Variants in MYT1L observed in about 807,000 individuals in gnomAD.
MYT1L encodes the protein myelin transcription factor 1 like.
In MYT1L, 12 loss-of-function variants were observed where a neutral mutation model predicts 126.7. The observed-to-expected ratio is 0.09, with a 90% CI of 0.06 to 0.15. MYT1L has a LOEUF of 0.15. Ranked by LOEUF, MYT1L falls within the 10% of genes least tolerant of loss-of-function variation. The probability of loss-of-function intolerance (pLI) is 1.00; values close to 1 mark genes in which losing one functional copy is unlikely to be tolerated. For missense variants in MYT1L, 979 were observed against 1,585.2 expected (o/e 0.62, Z 6.49); for synonymous variants, 541 against 604.2 (o/e 0.90, Z 1.53).
At chr2:2,172,031 A>G (rs1297895087) in intron 3 of MYT1L, among the ~76,000 whole-genome samples, 1 of 152,180 alleles carries the variant, frequency 6.6e-6, no homozygotes, top group Non-Finnish European at 1.5e-5. Context: ...AACATATATA[A>G]AAGTACTTCT....
At chr2:2,014,818 T>G (rs190034289) in intron 4 of MYT1L, among the ~76,000 whole-genome samples, 1 of 152,338 alleles carries the variant, frequency 6.6e-6, no homozygotes, top group African/African-American at 2.4e-5. Flanking sequence ...GGGAAGAAGA[T>G]TCACTGGAGT....
intron 21 of MYT1L, among the ~76,000 whole-genome samples, chr2:1,815,453 G>A (rs1343015536): frequency 6.6e-6 from 1 of 152,182 alleles, no homozygotes; most frequent in Admixed American, 6.5e-5. Flanking sequence ...GGTCATCCCC[G>A]TGTCCTTTCC....
At chr2:2,299,979 G>A (rs1317282334) in intron 1 of MYT1L, among the ~76,000 whole-genome samples, 1 of 152,166 alleles carries the variant, frequency 6.6e-6, no homozygotes, top group Non-Finnish European at 1.5e-5. Flanking sequence ...CAATGGCTTA[G>A]AAGTCATTCC....
At chr2:1,886,190 A>T (rs1204722875) in intron 18 of MYT1L, 1 of 189,738 alleles carries the variant, frequency 5.3e-6, no homozygotes, top group Non-Finnish European at 1.1e-5. Flanking sequence ...TCTTTTAAAA[A>T]TTAAATTTTG....
intron 3 of MYT1L, among the ~76,000 whole-genome samples, chr2:2,157,963 T>A: frequency 6.6e-6 from 1 of 152,072 alleles, no homozygotes; most frequent in Non-Finnish European, 1.5e-5. Flanking sequence ...CATATCTAGG[T>A]CAGGCTTCAG....
chr2:2,195,485 A>T (rs1224493938), intron 2 of MYT1L, among the ~76,000 whole-genome samples: 1 of 152,196 alleles, frequency 6.6e-6, no homozygotes, highest in African/African-American at 2.4e-5. Flanking sequence ...AGATAATATA[A>T]TACAGAGGCT....
chr2:2,208,808 C>A (rs1265828752), intron 2 of MYT1L, among the ~76,000 whole-genome samples: 1 of 152,058 alleles, frequency 6.6e-6, no homozygotes, highest in Admixed American at 6.6e-5. Flanking sequence ...AGAAATGATA[C>A]CTCAGAAAGG....
intron 8 of MYT1L, among the ~76,000 whole-genome samples, chr2:1,950,376 T>C (rs1027209880): frequency 6.6e-6 from 1 of 151,980 alleles, no homozygotes; most frequent in Non-Finnish European, 1.5e-5. Flanking sequence ...GCATGATTGA[T>C]TTATTCCTTT....
intron 1 of MYT1L, among the ~76,000 whole-genome samples, chr2:2,288,172 G>T (rs1196455834): frequency 6.6e-6 from 1 of 152,144 alleles, no homozygotes. Flanking sequence ...TAATCCTCAC[G>T]ACCAGGTAGA....
chr2:2,076,614 T>C (rs528604766), intron 3 of MYT1L, among the ~76,000 whole-genome samples: 1 of 152,160 alleles, frequency 6.6e-6, no homozygotes, highest in Admixed American at 6.5e-5. Context: ...TCTCCAGAAT[T>C]TTACCAGGAA....
At chr2:2,222,821 G>A (rs2093914829) in intron 2 of MYT1L, among the ~76,000 whole-genome samples, 2 of 152,030 alleles carry the variant, frequency 1.3e-5, no homozygotes, top group Non-Finnish European at 2.9e-5. Flanking sequence ...TGATGAAGTG[G>A]CAAGAAAAAG....
At chr2:2,281,129 C>T (rs773342264) in intron 2 of MYT1L, among the ~76,000 whole-genome samples, 2 of 152,206 alleles carry the variant, frequency 1.3e-5, no homozygotes, top group African/African-American at 2.4e-5. Flanking sequence ...ACACCGTTCT[C>T]ATGTTAGTAA....
intron 4 of MYT1L, among the ~76,000 whole-genome samples, chr2:2,029,099 C>T (rs1461067351): frequency 2.0e-5 from 3 of 152,210 alleles, no homozygotes; most frequent in African/African-American, 7.2e-5. Context: ...ATTAACAACT[C>T]AGAATAAAGA....
intron 2 of MYT1L, among the ~76,000 whole-genome samples, chr2:2,188,592 G>C (rs1572288112): frequency 6.6e-6 from 1 of 152,220 alleles, no homozygotes; most frequent in Non-Finnish European, 1.5e-5. Flanking sequence ...GAGTCAGACA[G>C]ACGGCATAAT....
chr2:1,834,368 C>A lies in MYT1L; in HGVS notation c.3080+4781G>T, dbSNP rs531196627. On this transcript the variant is annotated intron_variant, in intron 21 of 24. Coordinates refer to ENST00000647738, the MANE Select transcript of MYT1L (RefSeq NM_001303052.2). ...ACTTCCTAATGAGTGTATTTCTGTG[C>A]GCTTAGCTGTGTTCTTGCTGGGTAT... Among the ~76,000 whole-genome samples the A allele has an allele frequency of 3.9e-5, 6 of 152,322 alleles. No homozygotes were observed. The East Asian group carries it at 9.7e-4, about 25-fold the overall frequency.
At chr2:1,820,301 C>T (rs2038346540) in intron 21 of MYT1L, among the ~76,000 whole-genome samples, 1 of 152,168 alleles carries the variant, frequency 6.6e-6, no homozygotes, top group South Asian at 2.1e-4. Context: ...CTGTTGAGTA[C>T]ATCTCTTAGC....
chr2:2,113,829 T>A (rs979626372), intron 3 of MYT1L, among the ~76,000 whole-genome samples: 2 of 146,554 alleles, frequency 1.4e-5, no homozygotes, highest in African/African-American at 2.5e-5. Context: ...GATAGGAAAA[T>A]AGTTATGAAA....
chr2:2,019,071 T>C (rs949125415), intron 4 of MYT1L, among the ~76,000 whole-genome samples: 4 of 152,162 alleles, frequency 2.6e-5, no homozygotes, highest in Admixed American at 2.6e-4. Flanking sequence ...GAAATTAATT[T>C]GGTGACTTAT....
intron 9 of MYT1L, among the ~76,000 whole-genome samples, chr2:1,930,601 G>A (rs2054830374): frequency 1.3e-5 from 2 of 152,212 alleles, no homozygotes; most frequent in African/African-American, 4.8e-5. Context: ...TGGGCACGAG[G>A]AGGGCACAGC....
Sources: allele counts gnomAD v4.1 joint callset (sites outside exome capture counted in the v4.1 genomes callset), GRCh38; gene constraint gnomAD v4.1.1; transcripts MANE v1.5; gene names NCBI Gene and HGNC (gene_info 2026-07-23, HGNC 2026-07-21).